Variants in NPRL3 observed in about 807,000 individuals in gnomAD.
NPRL3 encodes the protein GATOR1 complex protein NPRL3.
Under a neutral mutation model 57.2 loss-of-function variants are expected in NPRL3, and 23 were observed. The ratio of observed to expected loss-of-function variants is 0.40; its 90% CI spans 0.29 to 0.57. The LOEUF is 0.57. Ranked by LOEUF, NPRL3 falls within the 20% of genes least tolerant of loss-of-function variation. NPRL3 has a pLI of 0.42. For missense variants in NPRL3, 691 were observed against 767.1 expected, an observed-to-expected ratio of 0.90 and a Z score of 1.17; for synonymous variants, 333 against 321.1, an observed-to-expected ratio of 1.04 and a Z score of -0.39.
chr16:126,511 T>C (rs907934921), intron 3 of NPRL3, among the ~76,000 whole-genome samples: 3 of 151,990 alleles, frequency 2.0e-5, no homozygotes, highest in Non-Finnish European at 4.4e-5. Context: ...AGTTCTTCTC[T>C]AAACCTCTAG....
At chr16:134,240 C>A (rs1900947550) in intron 2 of NPRL3, among the ~76,000 whole-genome samples, 2 of 152,170 alleles carry the variant, frequency 1.3e-5, no homozygotes, top group Admixed American at 1.3e-4. Context: ...CACACACACA[C>A]ACACCCCCTC....
In NPRL3 at chr16:100,886, A is replaced by G. The variant is rs541025957; in HGVS notation, c.630-377T>C. On this transcript the variant is annotated intron_variant, in intron 7 of 13. Transcript: ENST00000611875. ...CTCGGGAGGCTGAGGCAGGAGAATCACTTGAACCCAGGAGGTGGAGGTTGC... is the reference window on the plus strand; with the variant it reads ...CTCGGGAGGCTGAGGCAGGAGAATCGCTTGAACCCAGGAGGTGGAGGTTGC... 1.9e-3 allele frequency among the ~76,000 whole-genome samples: 269 copies of G among 141,988 alleles called. 1 individual carries two copies. Among genetic ancestry groups the G allele is most frequent in the African/African-American group, 6.6e-3 (250 of 37,722 alleles). 93.1% of individuals were successfully genotyped at this position (141,988 alleles called of 152,430 possible).
At chr16:112,860 A>G (rs1899878653) in intron 5 of NPRL3, 85 bp from the exon 6 acceptor site, 4 of 1,297,592 alleles carry the variant, frequency 3.1e-6, no homozygotes, top group Non-Finnish European at 4.1e-6. Context: ...ACACAGGTAC[A>G]CAGCAAAAAC....
chr16:137,370 G>A (rs1305428343), intron 2 of NPRL3, among the ~76,000 whole-genome samples: 1 of 152,174 alleles, frequency 6.6e-6, no homozygotes, highest in African/African-American at 2.4e-5. Flanking sequence ...CTCCAAGGCC[G>A]ACTATGGGAA....
chr16:88,061 G>C (rs1465801993), intron 13 of NPRL3, among the ~76,000 whole-genome samples: 1 of 152,064 alleles, frequency 6.6e-6, no homozygotes, highest in African/African-American at 2.4e-5. Flanking sequence ...CTGACAACCC[G>C]ACCACTCCCG....
At chr16:133,710 C>T (rs1484310713) in intron 2 of NPRL3, among the ~76,000 whole-genome samples, 2 of 152,194 alleles carry the variant, frequency 1.3e-5, no homozygotes, top group Admixed American at 6.5e-5. Context: ...TTTGCATTTA[C>T]CATTTGGCTG....
At chr16:95,368 C>T (rs1210805508) in intron 9 of NPRL3, among the ~76,000 whole-genome samples, 6 of 146,866 alleles carry the variant, frequency 4.1e-5, no homozygotes, top group Non-Finnish European at 8.9e-5. Context: ...CACACACACA[C>T]ACACACACAC....
rs55909705 is a variant in NPRL3 at position 85,950 on chromosome 16, G to A, written c.*755C>T. On this transcript the variant is annotated 3_prime_UTR_variant, in exon 14 of 14. Coordinates refer to ENST00000611875, the MANE Select transcript of NPRL3 (RefSeq NM_001077350.3). Reference sequence around the variant, plus strand: ...GGCCTGAGTACGTAGCGCCAGGCCCGGTGTGGATGCTGGGGAGAATCATCA... The same window carrying A: ...GGCCTGAGTACGTAGCGCCAGGCCCAGTGTGGATGCTGGGGAGAATCATCA... The A allele has an allele frequency of 1.8e-4, 136 of 744,198 alleles. No homozygotes were observed. Among genetic ancestry groups the A allele is most frequent in the African/African-American group, 8.0e-4 (44 of 55,330 alleles). The allele number at this position is 744,198 out of a possible 1,614,324, so 46.1% of individuals were successfully genotyped here.
intron 3 of NPRL3, among the ~76,000 whole-genome samples, chr16:127,994 C>CTTCTTT (rs144300847): frequency 5.3e-5 from 7 of 133,322 alleles, no homozygotes; most frequent in African/African-American, 9.0e-5. Flanking sequence ...CCATCTTCTT[C>CTTCTTT]TTTTTTTTTT....
intron 13 of NPRL3, among the ~76,000 whole-genome samples, chr16:87,859 C>T (rs903769320): frequency 3.5e-4 from 49 of 141,594 alleles, no homozygotes; most frequent in African/African-American, 1.1e-3. Flanking sequence ...CATGAGCCAC[C>T]GCGCCTGACT....
At chr16:106,852 T>TGAGC (rs1271054099) in intron 7 of NPRL3, among the ~76,000 whole-genome samples, 2 of 151,658 alleles carry the variant, frequency 1.3e-5, no homozygotes, top group Non-Finnish European at 2.9e-5. Flanking sequence ...TGCAGAAGAG[T>TGAGC]GAGCAGCAGC....
chr16:95,221 G>A (rs1470971079), intron 9 of NPRL3, among the ~76,000 whole-genome samples: 2 of 151,814 alleles, frequency 1.3e-5, no homozygotes, highest in Non-Finnish European at 2.9e-5. Flanking sequence ...CATAGATTTT[G>A]GGGATTAGGA....
At position 92,693 on chromosome 16, in the gene NPRL3, T is replaced by C. The variant is rs1898813258; in HGVS notation, c.1064A>G (p.Gln355Arg). The C allele has an allele frequency of 6.2e-7, 1 of 1,613,828 alleles. No individual in the cohort carries two copies. Reference sequence around the variant, plus strand: ...GGACGGCAGGTCATGAGATGGGAACTGGTGGGAGAACTGCTCGGCCAGCGG... The same window carrying C: ...GGACGGCAGGTCATGAGATGGGAACCGGTGGGAGAACTGCTCGGCCAGCGG... ...YSPLAEQFSH[Q>R]FPSHDLPSVL... Residue 355 changes from glutamine (Q) to arginine (R), a missense_variant, in exon 11 of 14, where the codon CAG becomes CGG. By Grantham distance (43) the Gln-to-Arg change is conservative (BLOSUM62 1). Coordinates refer to ENST00000611875, the MANE Select transcript of NPRL3 (RefSeq NM_001077350.3).
At chr16:106,977 G>A (rs1899558747) in intron 7 of NPRL3, among the ~76,000 whole-genome samples, 2 of 152,148 alleles carry the variant, frequency 1.3e-5, no homozygotes, top group Admixed American at 1.3e-4. Flanking sequence ...GACAAGGATG[G>A]GTACAGGGAG....
At position 130,550 on chromosome 16, in the gene NPRL3, G is replaced by T; in HGVS notation, c.160C>A (p.His54Asn). The change falls in exon 3 of 14, where the codon CAT becomes AAT. Residue 54 changes from histidine (H) to asparagine (N), a missense_variant. By Grantham distance (68) the His-to-Asn change is moderately conservative. Transcript: ENST00000611875. ...SRYAASNTGD[H>N]ADEQDGDSRF... ...GAATCGCCGTCCTGCTCATCAGCAT[G>T]GTCGCCCGTGTTGCTGGCAGCGTAT... 2 of 1,554,600 alleles carry T rather than the reference G, an allele frequency of 1.3e-6. No homozygotes were observed. Among genetic ancestry groups the T allele is most frequent in the Non-Finnish European group, 8.7e-7 (1 of 1,148,786 alleles).
chr16:133,307 C>A (rs1900899750), intron 2 of NPRL3, among the ~76,000 whole-genome samples: 1 of 152,128 alleles, frequency 6.6e-6, no homozygotes, highest in African/African-American at 2.4e-5. Context: ...TCACTGCAAC[C>A]TCTGCCTCCC....
At chr16:137,088 A>T (rs1361063764) in intron 2 of NPRL3, among the ~76,000 whole-genome samples, 1 of 136,926 alleles carries the variant, frequency 7.3e-6, no homozygotes, top group Non-Finnish European at 1.6e-5. Flanking sequence ...GGTGTGGTGC[A>T]CATGCCCTGT....
At chr16:108,594 C>A (rs1249674830) in intron 7 of NPRL3, among the ~76,000 whole-genome samples, 2 of 151,988 alleles carry the variant, frequency 1.3e-5, no homozygotes, top group African/African-American at 2.4e-5. Context: ...GCAGTTGCGG[C>A]TCACTAGGCA....
At chr16:134,161 A>G (rs1325803242) in intron 2 of NPRL3, among the ~76,000 whole-genome samples, 1 of 152,184 alleles carries the variant, frequency 6.6e-6, no homozygotes, top group Non-Finnish European at 1.5e-5. Flanking sequence ...CTTGCTGGAC[A>G]CAGGTTTGCC....
Sources: allele counts gnomAD v4.1 joint callset (sites outside exome capture counted in the v4.1 genomes callset), GRCh38; gene constraint gnomAD v4.1.1; transcripts MANE v1.5; gene names NCBI Gene and HGNC (gene_info 2026-07-23, HGNC 2026-07-21).